Variants in CFAP47 observed in about 807,000 individuals in gnomAD.
CFAP47 encodes cilia and flagella associated protein 47.
Under a neutral mutation model 148.1 loss-of-function variants are expected in CFAP47, and 29 were observed. The ratio of observed to expected loss-of-function variants is 0.20; its 90% confidence interval spans 0.15 to 0.27. The LOEUF is 0.27. Ranked by LOEUF, CFAP47 falls within the 10% of genes least tolerant of loss-of-function variation. The pLI is 1.00. For synonymous variants in CFAP47, 664 were observed against 577.3 expected (o/e 1.15, Z -2.15); for missense variants, 1,872 against 1,697.5 (o/e 1.10, Z -1.81).
At chrX:36,147,418 G>A (rs764480639) in intron 36 of CFAP47, among the ~76,000 whole-genome samples, 12 of 112,193 alleles carry the variant, frequency 1.1e-4, no homozygotes, top group African/African-American at 3.9e-4. Context: ...GACAATGAAT[G>A]GCTTCCTTAT....
rs963310519 is a variant in CFAP47, at chrX:35,985,099, C to T, written c.2714-4220C>T. Among the ~76,000 whole-genome samples the T allele has an allele frequency of 3.6e-5, 4 of 111,309 alleles. No individual in the cohort carries two copies. In the Admixed American group the frequency reaches 3.8e-4, roughly 11 times the overall value. On this transcript the variant is annotated intron_variant, in intron 15 of 63. Transcript: ENST00000378653. ...AGTCTCTTTGTAGGTCTCAAAGAACCTGTTTTATAAATCTGGGTGCTCCTG... is the reference window on the plus strand; with the variant it reads ...AGTCTCTTTGTAGGTCTCAAAGAACTTGTTTTATAAATCTGGGTGCTCCTG...
intron 53 of CFAP47, 41 bp downstream of exon 53, chrX:36,301,220 A>C: frequency 1.3e-6 from 1 of 742,760 alleles, no homozygotes. Context: ...CTTGCAAGAA[A>C]AATAGTTAAT....
Position 35,971,612 on chromosome X carries a change from C to T in CFAP47, c.1997C>T (p.Thr666Ile). 8.5e-7 allele frequency: 1 copy of T among 1,176,217 alleles called. No homozygotes were observed. Among genetic ancestry groups the T allele is most frequent in the Non-Finnish European group, 1.1e-6 (1 of 875,575 alleles). Residue 666 changes from threonine (T) to isoleucine (I), a missense_variant, in exon 12 of 64, where the codon ACA (threonine) becomes ATA (isoleucine). By Grantham distance (89) the Thr-to-Ile change is moderately conservative. Transcript: ENST00000378653. ...GAGCGCATGTATTCATATGATGATA[C>T]AGACATAGGCTTAGAGCCAGGATCA... ...ERERMYSYDDTDIGLEPGSGL... is the reference protein window; with the variant it reads ...ERERMYSYDDIDIGLEPGSGL...
rs1289916735 is a variant in CFAP47, at chrX:36,356,476, C to T, written c.8851+2795C>T. ...ATCGACCTCATTGTCTCCTTAAAGA[C>T]ATATGGCAATAACTTGGTTCCTTTC... On this transcript the variant is annotated intron_variant, in intron 60 of 63. Coordinates refer to ENST00000378653, the MANE Select transcript of CFAP47 (RefSeq NM_001304548.2). Among the ~76,000 whole-genome samples, 3 of 111,388 alleles carry T rather than the reference C, an allele frequency of 2.7e-5. No individual in the cohort carries two copies. In the Admixed American group the frequency reaches 2.9e-4, roughly 11 times the overall value.
At chrX:36,171,779 G>A (rs907475880) in intron 39 of CFAP47, among the ~76,000 whole-genome samples, 41 of 111,406 alleles carry the variant, frequency 3.7e-4, no homozygotes, top group South Asian at 7.6e-4. Flanking sequence ...TTGGCGATGC[G>A]GGCTATTTTT....
In CFAP47 at chrX:36,138,017, GT is replaced by G; in HGVS notation, c.5385del (p.Phe1795LeufsTer12). ...NFDKDLSDGLVFATQLGAYCP... is the reference protein window; with the variant it reads ...NFDKDLSDGLXFATQLGAYCP... ...TGACAAAGACCTTTCAGATGGTCTT[GT>G]TTTTGCAACACAGTTGGGAGCCTAT... On this transcript the variant is annotated frameshift_variant, in exon 34 of 64. Transcript: ENST00000378653. LOFTEE classifies it high-confidence loss of function. 1.3e-5 allele frequency: 12 copies of G among 956,590 alleles called. No individual in the cohort carries two copies. Among genetic ancestry groups the G allele is most frequent in the Non-Finnish European group, 1.6e-5 (11 of 667,749 alleles). 78.8% of individuals were successfully genotyped at this position (956,590 alleles called of 1,213,427 possible).
intron 8 of CFAP47, among the ~76,000 whole-genome samples, chrX:35,959,905 TTTG>T (rs1399897483): frequency 9.4e-6 from 1 of 106,542 alleles, no homozygotes; most frequent in Non-Finnish European, 1.9e-5. Flanking sequence ...AAAAAAACTA[TTTG>T]TTATTTTTTG....
At position 36,310,960 on chromosome X, in the gene CFAP47, A is replaced by G. The variant is rs781926539; in HGVS notation, c.8315A>G (p.Glu2772Gly). ...ATACCTTTCAAAAATCCCACAATGG[A>G]AGATGTCCTCATTGATATAATACTG... ...IVIPFKNPTM[E>G]DVLIDIILTS... is the part of the protein sequence containing the mutation. Residue 2772 changes from glutamate (E) to glycine (G), a missense_variant, in exon 56 of 64, where the codon GAA (glutamate) becomes GGA (glycine). Coordinates refer to ENST00000378653, the MANE Select transcript of CFAP47 (RefSeq NM_001304548.2). 2 of 1,132,503 alleles carry G rather than the reference A, an allele frequency of 1.8e-6. No individual in the cohort carries two copies. Among genetic ancestry groups the G allele is most frequent in the Middle Eastern group, 2.4e-4 (1 of 4,201 alleles). 93.3% of individuals were successfully genotyped at this position (1,132,503 alleles called of 1,213,427 possible).
intron 20 of CFAP47, among the ~76,000 whole-genome samples, chrX:36,001,178 A>G (rs960244224): frequency 5.4e-5 from 6 of 111,949 alleles, no homozygotes; most frequent in Non-Finnish European, 3.8e-5. Flanking sequence ...GACATCTTAC[A>G]TATCCTCAAA....
intron 52 of CFAP47, among the ~76,000 whole-genome samples, chrX:36,300,167 T>G (rs180985226): frequency 1.8e-5 from 2 of 111,347 alleles, no homozygotes. Flanking sequence ...TCATAGTAAC[T>G]GTAAGAGGTA....
At chrX:36,170,389 T>A (rs1939553877) in intron 39 of CFAP47, among the ~76,000 whole-genome samples, 1 of 111,124 alleles carries the variant, frequency 9.0e-6, no homozygotes, top group African/African-American at 3.3e-5. Context: ...GCTGGTGCGC[T>A]GCACCCACTA....
At chrX:36,149,754 G>A (rs1452221980) in intron 37 of CFAP47, among the ~76,000 whole-genome samples, 2 of 107,823 alleles carry the variant, frequency 1.9e-5, no homozygotes, top group Non-Finnish European at 3.8e-5. Context: ...GATTACGGGC[G>A]CCTGCCACCA....
chrX:35,959,849 A>C (rs1936297857), intron 8 of CFAP47, among the ~76,000 whole-genome samples: 1 of 98,315 alleles, frequency 1.0e-5, no homozygotes, highest in Non-Finnish European at 2.0e-5. Flanking sequence ...ACTGCACTCC[A>C]GCCTGGGTGA....
At chrX:36,305,159 A>T (rs1941337086) in intron 54 of CFAP47, among the ~76,000 whole-genome samples, 1 of 112,360 alleles carries the variant, frequency 8.9e-6, no homozygotes, top group Non-Finnish European at 1.9e-5. Flanking sequence ...AGCTATCATA[A>T]TATGTCAAAT....
chrX:35,924,882 C>A (rs963642949), intron 1 of CFAP47, among the ~76,000 whole-genome samples: 1 of 111,106 alleles, frequency 9.0e-6, no homozygotes, highest in African/African-American at 3.3e-5. Context: ...AGACAAATAT[C>A]ACTTGCTCTC....
intron 3 of CFAP47, among the ~76,000 whole-genome samples, chrX:35,945,689 T>G (rs1449615926): frequency 9.0e-6 from 1 of 111,060 alleles, no homozygotes; most frequent in African/African-American, 3.3e-5. Flanking sequence ...AATGCCACTT[T>G]TTTTACAAAA....
intron 39 of CFAP47, among the ~76,000 whole-genome samples, chrX:36,170,419 G>A (rs1287228857): frequency 9.0e-6 from 1 of 110,595 alleles, no homozygotes; most frequent in Non-Finnish European, 1.9e-5. Flanking sequence ...CTAGCATTAG[G>A]TATATCTCCC....
chrX:35,960,584 T>C (rs1324241210), intron 8 of CFAP47, among the ~76,000 whole-genome samples: 1 of 110,798 alleles, frequency 9.0e-6, no homozygotes, highest in African/African-American at 3.3e-5. Flanking sequence ...AGTCTTGCAA[T>C]TATTTTAAAA....
intron 30 of CFAP47, among the ~76,000 whole-genome samples, chrX:36,087,884 T>C (rs966903041): frequency 3.6e-5 from 4 of 111,547 alleles, no homozygotes; most frequent in Non-Finnish European, 7.5e-5. Flanking sequence ...AACGTAAATT[T>C]TTTTTCTCAG....
Sources: allele counts gnomAD v4.1 joint callset (sites outside exome capture counted in the v4.1 genomes callset), GRCh38; gene constraint gnomAD v4.1.1; transcripts MANE v1.5; gene names NCBI Gene and HGNC (gene_info 2026-07-23, HGNC 2026-07-21).